AMPD1: variants seen among roughly 807,000 people sequenced by gnomAD.
The protein encoded by AMPD1 is adenosine monophosphate deaminase 1.
A neutral mutation model predicts 82.9 loss-of-function variants in AMPD1; 74 were observed. The observed-to-expected ratio is 0.89, with a 90% CI of 0.74 to 1.08. AMPD1 has a LOEUF of 1.08. AMPD1 is among the 50% of genes least tolerant of loss of function. AMPD1 has a pLI of 0.00. For missense variants in AMPD1, 881 were observed against 924.5 expected, an observed-to-expected ratio of 0.95 and a Z score of 0.61; for synonymous variants, 333 against 320.5, an observed-to-expected ratio of 1.04 and a Z score of -0.42.
chr1:114,688,630 A>G lies in AMPD1; in HGVS notation c.146T>C (p.Ile49Thr). ...SPFDVDEICP[I>T]SHHEMQAHIF... ...GTGTGCTTGCATCTCATGATGAGAAATCGGACAGATCTCATCCACATCAAA... is the reference window on the plus strand; with the variant it reads ...GTGTGCTTGCATCTCATGATGAGAAGTCGGACAGATCTCATCCACATCAAA... The change falls in exon 3 of 16, where the codon ATT becomes ACT. Residue 49 changes from isoleucine to threonine, a missense_variant. This residue lies in a region of AMPD1 where 783 missense variants were observed against 786.4 expected (regional missense o/e 1.00). Coordinates refer to ENST00000520113, the MANE Select transcript of AMPD1 (RefSeq NM_000036.3). 1 of 1,614,200 alleles carries G rather than the reference A, an allele frequency of 6.2e-7. No homozygotes were observed. The highest frequency in any genetic ancestry group is 1.3e-5 in the African/African-American group (1 of 75,058).
chr1:114,674,911 G>A, intron 12 of AMPD1, 39 bp from the exon 13 acceptor site: 1 of 1,613,416 alleles, frequency 6.2e-7, no homozygotes, highest in Non-Finnish European at 8.5e-7. Flanking sequence ...GCAGGTTCTG[G>A]GTATGGAGTG....
At position 114,695,543 on chromosome 1, in the gene AMPD1, T is replaced by C. The variant is rs766440162; in HGVS notation, c.-72A>G. ...GAGAGGAGACTGTGGGGTGACTGAC[T>C]GACACTATAAAATATCCTGACATTC... On this transcript the variant is annotated 5_prime_UTR_variant, in exon 1 of 16. Coordinates refer to ENST00000520113, the MANE Select transcript of AMPD1 (RefSeq NM_000036.3). The C allele has an allele frequency of 5.0e-6, 8 of 1,614,042 alleles. No homozygotes were observed. Among genetic ancestry groups the C allele is most frequent in the Middle Eastern group, 1.6e-4 (1 of 6,082 alleles).
At chr1:114,692,670 A>G (rs1288788876) in intron 2 of AMPD1, among the ~76,000 whole-genome samples, 2 of 151,828 alleles carry the variant, frequency 1.3e-5, no homozygotes, top group Non-Finnish European at 2.9e-5. Flanking sequence ...ACACAGCAAG[A>G]CTCCATCTCA....
chr1:114,673,351 ATTCC>A (rs1350034095), intron 15 of AMPD1, 79 bp from the exon 16 acceptor site: 6 of 1,540,088 alleles, frequency 3.9e-6, no homozygotes, highest in Non-Finnish European at 5.4e-6. Context: ...CTTTACAAAA[ATTCC>A]TTCCTTATGT....
chr1:114,686,967 TGATA>T (rs1570851021), intron 3 of AMPD1, 57 bp from the exon 4 acceptor site: 1 of 1,542,900 alleles, frequency 6.5e-7, no homozygotes, highest in Non-Finnish European at 9.0e-7. Flanking sequence ...CGTTTCATTG[TGATA>T]GATAGATGTT....
chr1:114,674,707 C>T (rs763612614), intron 13 of AMPD1, 45 bp downstream of exon 13: 1 of 1,599,076 alleles, frequency 6.3e-7, no homozygotes, highest in Non-Finnish European at 8.6e-7. Context: ...AAAAAAGATT[C>T]CTCTAGCTCC....
intron 10 of AMPD1, chr1:114,676,278 C>T (rs913192966): frequency 1.5e-5 from 6 of 413,376 alleles, no homozygotes; most frequent in African/African-American, 1.0e-4. Flanking sequence ...CAGCTAAGTC[C>T]TCATAGAGGA....
intron 5 of AMPD1, among the ~76,000 whole-genome samples, chr1:114,681,338 T>TA (rs1315122398): frequency 6.6e-6 from 1 of 152,180 alleles, no homozygotes; most frequent in African/African-American, 2.4e-5. Context: ...CTCACGCCTG[T>TA]AATCCCAGCA....
Sources: allele counts gnomAD v4.1 joint callset (sites outside exome capture counted in the v4.1 genomes callset), GRCh38; gene constraint gnomAD v4.1.1; regional missense constraint gnomAD v4.1.1; transcripts MANE v1.5; gene names NCBI Gene and HGNC (gene_info 2026-07-23, HGNC 2026-07-21).